The following PLXNA4 variants were observed in gnomAD, a reference collection of about 807,000 sequenced individuals.
The protein encoded by PLXNA4 is plexin A4.
A neutral mutation model predicts 191.8 loss-of-function variants in PLXNA4; 44 were observed. The ratio of observed to expected loss-of-function variants is 0.23; its 90% CI spans 0.18 to 0.29. PLXNA4 has a LOEUF of 0.29. PLXNA4 is among the 10% of genes least tolerant of loss of function. PLXNA4 has a pLI of 1.00. For synonymous variants in PLXNA4, 1,082 were observed against 1,009.5 expected (o/e 1.07, Z -1.36); for missense variants, 1,800 against 2,488.8 (o/e 0.72, Z 5.89).
At chr7:132,281,379 T>C (rs1800472745) in intron 4 of PLXNA4, among the ~76,000 whole-genome samples, 1 of 152,184 alleles carries the variant, frequency 6.6e-6, no homozygotes, top group South Asian at 2.1e-4. Context: ...TCTTCTCTGA[T>C]GTCAATCAGC....
intron 3 of PLXNA4, among the ~76,000 whole-genome samples, chr7:132,424,486 G>T (rs1187904088): frequency 1.3e-5 from 2 of 152,128 alleles, no homozygotes; most frequent in Non-Finnish European, 2.9e-5. Context: ...CCAAAATCTT[G>T]GTGGAACCCC....
intron 26 of PLXNA4, among the ~76,000 whole-genome samples, 191 bp downstream of exon 26, chr7:132,148,352 G>A (rs571265526): frequency 5.3e-5 from 8 of 152,290 alleles, no homozygotes; most frequent in African/African-American, 1.9e-4. Flanking sequence ...GTGCATGTCA[G>A]GATGCTATCT....
chr7:132,596,220 G>A (rs867830189), intron 2 of PLXNA4, among the ~76,000 whole-genome samples: 1 of 152,212 alleles, frequency 6.6e-6, no homozygotes, highest in South Asian at 2.1e-4. Context: ...TGTTTCTGGT[G>A]TTGACTGACT....
At chr7:132,575,873 A>G (rs13229800) in intron 1 of PLXNA4, among the ~76,000 whole-genome samples, 1 of 152,126 alleles carries the variant, frequency 6.6e-6, no homozygotes, top group South Asian at 2.1e-4. Context: ...CCAACCGCCT[A>G]TCTGGCCTCC....
At chr7:132,352,171 C>T (rs533840888) in intron 3 of PLXNA4, among the ~76,000 whole-genome samples, 1 of 152,334 alleles carries the variant, frequency 6.6e-6, no homozygotes, top group Non-Finnish European at 1.5e-5. Flanking sequence ...TGGCTGCCAT[C>T]CCAGGGGCTG....
rs1795481653 is a variant in PLXNA4, at chr7:132,147,861, G to A, written c.4864+39C>T. ...TGCTGTCATGACAACAGCTGCTCAG[G>A]ACACCCAGGCCTCCCTAGGACACTC... is the stretch of plus-strand genomic sequence containing the variant. On this transcript the variant is annotated intron_variant, in intron 27 of 31. Transcript: ENST00000321063. 2.5e-6 allele frequency: 4 copies of A among 1,613,176 alleles called. No individual in the cohort carries two copies. In the South Asian group the frequency reaches 4.4e-5, roughly 18 times the overall value.
At chr7:132,449,488 T>C (rs1300428148) in intron 3 of PLXNA4, among the ~76,000 whole-genome samples, 1 of 152,192 alleles carries the variant, frequency 6.6e-6, no homozygotes, top group Admixed American at 6.5e-5. Context: ...CTGCAGATGA[T>C]CCATTTCAGG....
At position 132,283,671 on chromosome 7, in the gene PLXNA4, A is replaced by T. The variant is rs72607776; in HGVS notation, c.1503+14420T>A. Among the ~76,000 whole-genome samples, 56 of 152,352 alleles carry T rather than the reference A, an allele frequency of 3.7e-4. No individual in the cohort carries two copies. In the East Asian group the frequency reaches 0.01, roughly 28 times the overall value. ...AGCCAAGGAAAAGGTAGAGGAAACC[A>T]GGAGAGCTGGGAAAAGATAGTTAAG... is the stretch of plus-strand genomic sequence containing the variant. On this transcript the variant is annotated intron_variant, in intron 4 of 31. Transcript: ENST00000321063.
chr7:132,598,665 T>TATTTCATTTG, intron 2 of PLXNA4, among the ~76,000 whole-genome samples: 6 of 150,636 alleles, frequency 4.0e-5, no homozygotes, highest in African/African-American at 1.5e-4. Flanking sequence ...GAATTTCCTG[T>TATTTCATTTG]GAATTCTAAA....
At chr7:132,220,625 C>A (rs1798111482) in intron 9 of PLXNA4, among the ~76,000 whole-genome samples, 1 of 151,812 alleles carries the variant, frequency 6.6e-6, no homozygotes, top group African/African-American at 2.4e-5. Flanking sequence ...TTCCTCCAGA[C>A]TAATTCCTTT....
intron 1 of PLXNA4, among the ~76,000 whole-genome samples, chr7:132,514,211 T>C (rs1006632687): frequency 1.3e-5 from 2 of 151,750 alleles, no homozygotes; most frequent in Admixed American, 6.6e-5. Flanking sequence ...GCCACCATGC[T>C]TGGCTAATTT....
At chr7:132,550,553 C>A (rs1258467079) in intron 1 of PLXNA4, among the ~76,000 whole-genome samples, 4 of 152,166 alleles carry the variant, frequency 2.6e-5, no homozygotes, top group African/African-American at 7.2e-5. Context: ...CTGAGCACAG[C>A]TCAGCTAATT....
At chr7:132,498,526 T>A (rs1001113137) in intron 2 of PLXNA4, among the ~76,000 whole-genome samples, 2 of 152,180 alleles carry the variant, frequency 1.3e-5, no homozygotes, top group African/African-American at 2.4e-5. Context: ...GCCCCCATGA[T>A]TCAATTACCT....
chr7:132,521,180 A>T (rs1271696771), intron 1 of PLXNA4, among the ~76,000 whole-genome samples: 2 of 137,312 alleles, frequency 1.5e-5, no homozygotes, highest in African/African-American at 3.2e-5. Context: ...TGCTCCTTGA[A>T]AAAAAAAAAA....
chr7:132,449,478 C>T (rs1374620860), intron 3 of PLXNA4, among the ~76,000 whole-genome samples: 1 of 152,242 alleles, frequency 6.6e-6, no homozygotes, highest in Non-Finnish European at 1.5e-5. Flanking sequence ...GTGTTTCCCA[C>T]TGCAGATGAT....
chr7:132,258,033 GA>G (rs1799492762), intron 4 of PLXNA4, among the ~76,000 whole-genome samples: 2 of 152,230 alleles, frequency 1.3e-5, no homozygotes, highest in Admixed American at 6.5e-5. Context: ...ATTGAAGGCA[GA>G]AAAGTTGGAC....
intron 21 of PLXNA4, among the ~76,000 whole-genome samples, chr7:132,171,022 G>A (rs1207973196): frequency 6.6e-6 from 1 of 152,120 alleles, no homozygotes; most frequent in Non-Finnish European, 1.5e-5. Flanking sequence ...CACCACTGGG[G>A]GCTGATGAGG....
At position 132,283,623 on chromosome 7, in the gene PLXNA4, T is replaced by C. The variant is rs1467485262; in HGVS notation, c.1503+14468A>G. Among the ~76,000 whole-genome samples the C allele has an allele frequency of 3.3e-5, 5 of 152,210 alleles. No individual in the cohort carries two copies. In the East Asian group the frequency reaches 9.7e-4, roughly 29 times the overall value. Reference sequence around the variant, plus strand: ...ACACACAAAAAAAGAGAAACTTGGGTCAGGCCTACAGCCAGAGAGACTAGC... The same window carrying C: ...ACACACAAAAAAAGAGAAACTTGGGCCAGGCCTACAGCCAGAGAGACTAGC... On this transcript the variant is annotated intron_variant, in intron 4 of 31. Transcript: ENST00000321063.
rs922903696 is a variant in PLXNA4, at chr7:132,546,514, C to T, written c.-87+29908G>A. On this transcript the variant is annotated intron_variant, in intron 1 of 31. Transcript: ENST00000321063. Reference sequence around the variant, plus strand: ...TCTAATATATCTGTGTGGCCAAAAACAGTGGGCACTGTTAATTCACAACCA... The same window carrying T: ...TCTAATATATCTGTGTGGCCAAAAATAGTGGGCACTGTTAATTCACAACCA... Among the ~76,000 whole-genome samples, 11 of 152,176 alleles carry T rather than the reference C, an allele frequency of 7.2e-5. No homozygotes were observed. The South Asian group carries it at 1.0e-3, about 14-fold the overall frequency.
Sources: allele counts gnomAD v4.1 joint callset (sites outside exome capture counted in the v4.1 genomes callset), GRCh38; gene constraint gnomAD v4.1.1; transcripts MANE v1.5; gene names NCBI Gene and HGNC (gene_info 2026-07-23, HGNC 2026-07-21).